APPL1: variants seen among roughly 807,000 people sequenced by gnomAD.
The protein encoded by APPL1 is adaptor protein, phosphotyrosine interacting with PH domain and leucine zipper 1.
In APPL1, 42 loss-of-function variants were observed where a neutral mutation model predicts 106.8. That is an observed-to-expected ratio of 0.39 (90% CI 0.31 to 0.51). The LOEUF is 0.51. Among genes scored for constraint, APPL1 ranks in the 20% least tolerant of loss-of-function variants. APPL1 has a pLI of 0.75. For missense variants in APPL1, 769 were observed against 858.2 expected, an observed-to-expected ratio of 0.90 and a Z score of 1.30; for synonymous variants, 263 against 281.8, an observed-to-expected ratio of 0.93 and a Z score of 0.67.
chr3:57,264,813 T>C (rs1412862951), intron 19 of APPL1, among the ~76,000 whole-genome samples: 1 of 151,308 alleles, frequency 6.6e-6, no homozygotes, highest in Non-Finnish European at 1.5e-5. Context: ...TTTTTTTTTT[T>C]TTTTGCCAGT....
intron 13 of APPL1, among the ~76,000 whole-genome samples, chr3:57,255,896 C>T (rs1163570416): frequency 6.6e-6 from 1 of 152,140 alleles, no homozygotes; most frequent in Non-Finnish European, 1.5e-5. Context: ...TACCAATTAT[C>T]AGAACTCTAA....
intron 1 of APPL1, among the ~76,000 whole-genome samples, chr3:57,231,281 G>A (rs904833518): frequency 7.0e-6 from 1 of 143,318 alleles, no homozygotes. Flanking sequence ...GGGGGTTGCA[G>A]TGAGCCGAAA....
At chr3:57,265,916 C>CT (rs2060892383) in intron 19 of APPL1, among the ~76,000 whole-genome samples, 1 of 152,088 alleles carries the variant, frequency 6.6e-6, no homozygotes, top group Non-Finnish European at 1.5e-5. Context: ...GGATGTTGAA[C>CT]TTTATCAAAT....
intron 1 of APPL1, among the ~76,000 whole-genome samples, chr3:57,231,801 T>C (rs1047556182): frequency 6.7e-6 from 1 of 149,754 alleles, no homozygotes; most frequent in Non-Finnish European, 1.5e-5. Context: ...GAACGAGGCT[T>C]TGGCTCTTAA....
chr3:57,234,593 C>T (rs1025291963), intron 1 of APPL1, among the ~76,000 whole-genome samples: 9 of 151,592 alleles, frequency 5.9e-5, no homozygotes, highest in South Asian at 4.2e-4. Flanking sequence ...CCACCGCACC[C>T]GGCCTGACAT....
At chr3:57,248,960 C>T (rs1267929843) in intron 10 of APPL1, among the ~76,000 whole-genome samples, 1 of 152,070 alleles carries the variant, frequency 6.6e-6, no homozygotes, top group Non-Finnish European at 1.5e-5. Flanking sequence ...TATCATTTAT[C>T]CTACTTTAAT....
chr3:57,243,825 T>C (rs2060758751), intron 7 of APPL1, among the ~76,000 whole-genome samples: 1 of 152,212 alleles, frequency 6.6e-6, no homozygotes, highest in Admixed American at 6.5e-5. Context: ...TTCTGGCTGC[T>C]CAAAGTATTT....
chr3:57,240,562 T>G lies in APPL1; in HGVS notation c.373+10T>G. ...GAAAGAGATCTGAAAGGTATTGAAG[T>G]CAAGCTTATGTTTACTTTCATTGGC... On this transcript the variant is annotated intron_variant, in intron 5 of 21. Coordinates refer to ENST00000288266, the MANE Select transcript of APPL1 (RefSeq NM_012096.3). The G allele has an allele frequency of 1.2e-6, 2 of 1,606,334 alleles. No individual in the cohort carries two copies. The highest frequency in any genetic ancestry group is 1.7e-6 in the Non-Finnish European group (2 of 1,173,078).
chr3:57,269,272 T>C (rs2060917977), intron 21 of APPL1: 5 of 333,700 alleles, frequency 1.5e-5, no homozygotes, highest in Non-Finnish European at 2.7e-5. Context: ...TGAGAGATGA[T>C]TGATGATGGG....
intron 20 of APPL1, 175 bp downstream of exon 20, chr3:57,267,967 C>T: frequency 1.5e-6 from 1 of 652,812 alleles, no homozygotes; most frequent in East Asian, 2.8e-5. Context: ...TGTCGTGCAC[C>T]TGTAATCCCA....
chr3:57,246,042 ATTTAC>A, intron 7 of APPL1, 29 bp from the exon 8 acceptor site: 5 of 1,476,720 alleles, frequency 3.4e-6, no homozygotes, highest in Non-Finnish European at 1.8e-6. Flanking sequence ...ATAGCAGATT[ATTTAC>A]TTAATTATTT....
intron 15 of APPL1, among the ~76,000 whole-genome samples, chr3:57,257,632 T>G (rs2060844326): frequency 6.6e-6 from 1 of 152,204 alleles, no homozygotes; most frequent in South Asian, 2.1e-4. Context: ...TTAAGATAAT[T>G]TAGTTTCCAA....
chr3:57,248,467 T>C (rs1275456124), intron 10 of APPL1, 116 bp downstream of exon 10: 2 of 1,162,190 alleles, frequency 1.7e-6, no homozygotes, highest in Admixed American at 2.6e-5. Context: ...TTGAAACTTT[T>C]TAGAGGTGTT....
chr3:57,237,603 A>G (rs1314728572), intron 3 of APPL1, 52 bp downstream of exon 3: 3 of 1,280,784 alleles, frequency 2.3e-6, no homozygotes, highest in Middle Eastern at 1.9e-4. Context: ...TAGTATCTGT[A>G]TAGATAGACT....
chr3:57,263,930 G>A (rs926254478), intron 19 of APPL1, among the ~76,000 whole-genome samples: 4 of 152,112 alleles, frequency 2.6e-5, no homozygotes, highest in African/African-American at 9.6e-5. Flanking sequence ...TGGATCATAT[G>A]GTAGCTCTAT....
intron 4 of APPL1, chr3:57,238,328 A>G (rs1268507674): frequency 2.1e-5 from 10 of 468,744 alleles, no homozygotes; most frequent in African/African-American, 4.0e-5. Context: ...TGCTTCTTCT[A>G]TACGCAGTCC....
intron 7 of APPL1, among the ~76,000 whole-genome samples, chr3:57,244,224 C>T (rs536323002): frequency 4.0e-5 from 6 of 151,552 alleles, no homozygotes; most frequent in Admixed American, 2.0e-4. Flanking sequence ...GGCTCCGTCT[C>T]GGCTCACTGC....
chr3:57,227,823 G>A lies in APPL1; in HGVS notation c.-61G>A. On this transcript the variant is annotated 5_prime_UTR_variant, in exon 1 of 22. Transcript: ENST00000288266. ...GGCCGGGGTCAGCTGCGGCGGGCGGGCCGGCGCGGGGAGCTGTGGGCGGCA... is the reference window on the plus strand; with the variant it reads ...GGCCGGGGTCAGCTGCGGCGGGCGGACCGGCGCGGGGAGCTGTGGGCGGCA... 7.3e-7 allele frequency: 1 copy of A among 1,377,620 alleles called. No individual in the cohort carries two copies. Among genetic ancestry groups the A allele is most frequent in the Non-Finnish European group, 9.6e-7 (1 of 1,046,218 alleles). The allele number at this position is 1,377,620 out of a possible 1,614,324, so 85.3% of individuals were successfully genotyped here. A position where few individuals can be genotyped will look rare whatever the true frequency, so the allele number is the denominator to read the frequency against.
chr3:57,245,439 TAACA>T (rs1559509257), intron 7 of APPL1, among the ~76,000 whole-genome samples: 1 of 152,266 alleles, frequency 6.6e-6, no homozygotes, highest in South Asian at 2.1e-4. Context: ...ACTAAGCTAA[TAACA>T]AACAATTGTC....
Sources: gnomAD v4.1 joint callset for allele counts (sites outside exome capture counted in the v4.1 genomes callset) on GRCh38, gnomAD v4.1.1 for gene constraint, MANE v1.5 for transcripts, NCBI Gene and HGNC (gene_info 2026-07-23, HGNC 2026-07-21) for gene names.